SNX2: variants seen among roughly 807,000 people sequenced by gnomAD.
SNX2 encodes the protein sorting nexin 2, also known as sorting nexin-2.
Under a neutral mutation model 69.9 loss-of-function variants are expected in SNX2, and 25 were observed. The ratio of observed to expected loss-of-function variants is 0.36; its 90% CI spans 0.26 to 0.50. The LOEUF is 0.50. Among genes scored for constraint, SNX2 ranks in the 20% least tolerant of loss-of-function variants. The pLI, the probability that SNX2 is intolerant of heterozygous loss-of-function variation, is 0.97. For missense variants in SNX2, 551 were observed against 613.3 expected (o/e 0.90, Z 1.07); for synonymous variants, 229 against 200.4 (o/e 1.14, Z -1.20).
intron 10 of SNX2, among the ~76,000 whole-genome samples, chr5:122,818,169 C>T (rs770729486): frequency 1.2e-4 from 18 of 152,002 alleles, no homozygotes; most frequent in East Asian, 1.9e-4. Flanking sequence ...TGTAGAGCAA[C>T]GGAGCAGTTT....
intron 5 of SNX2, 140 bp from the exon 6 acceptor site, chr5:122,803,332 A>G: frequency 1.5e-6 from 1 of 658,502 alleles, no homozygotes; most frequent in Non-Finnish European, 2.3e-6. Flanking sequence ...TTAGTTAGAA[A>G]CCTATATACC....
rs142715196 is a variant in SNX2, at chr5:122,796,824, G to T, written c.226+1441G>T. On this transcript the variant is annotated intron_variant, in intron 2 of 14. Coordinates refer to ENST00000379516, the MANE Select transcript of SNX2 (RefSeq NM_003100.4). ...CAGAACTGTGTCTGTGTGTGTTTGT[G>T]TACATGCAAGGTTTTTTTTTTCTTA... Among the ~76,000 whole-genome samples, 105 of 151,884 alleles carry T rather than the reference G, an allele frequency of 6.9e-4. 2 individuals carry two copies. Among genetic ancestry groups the T allele is most frequent in the African/African-American group, 2.5e-3 (102 of 41,440 alleles).
At chr5:122,778,870 C>A (rs985234109) in intron 1 of SNX2, among the ~76,000 whole-genome samples, 5 of 152,050 alleles carry the variant, frequency 3.3e-5, no homozygotes. Context: ...ACATTTCAAA[C>A]TCCTACTGTA....
chr5:122,832,317 A>G lies in SNX2; in HGVS notation c.*2669A>G, dbSNP rs781190389. On this transcript the variant is annotated 3_prime_UTR_variant, in exon 15 of 15. Coordinates refer to ENST00000379516, the MANE Select transcript of SNX2 (RefSeq NM_003100.4). ...CTGAAGTGCCTTTCTACTTTAAAAT[A>G]TTTTGTTTAAAATATCAAACTTCAA... 1.3e-5 allele frequency: 2 copies of G among 152,210 alleles called. No homozygotes were observed. Among genetic ancestry groups the G allele is most frequent in the African/African-American group, 2.4e-5 (1 of 41,448 alleles). 9.4% of individuals were successfully genotyped at this position (152,210 alleles called of 1,614,324 possible). A position where few individuals can be genotyped will look rare whatever the true frequency, so the allele number is the denominator to read the frequency against.
intron 1 of SNX2, among the ~76,000 whole-genome samples, chr5:122,789,218 C>A (rs1295386095): frequency 6.6e-6 from 1 of 152,152 alleles, no homozygotes; most frequent in African/African-American, 2.4e-5. Context: ...CCACTCAGGT[C>A]TTAGTCTGGG....
In SNX2 at chr5:122,803,754, T is replaced by C. The variant is rs1320913911; in HGVS notation, c.643+141T>C. On this transcript the variant is annotated intron_variant, in intron 6 of 14. Coordinates refer to ENST00000379516, the MANE Select transcript of SNX2 (RefSeq NM_003100.4). ...TAACTGAATTTAAGTATTTCATTTA[T>C]ACTAATCATGCATGGATTGAAGAAT... 8.2e-6 allele frequency: 5 copies of C among 610,522 alleles called. No individual in the cohort carries two copies. In the African/African-American group the frequency reaches 9.4e-5, roughly 11 times the overall value. The allele number at this position is 610,522 out of a possible 1,614,324, so 37.8% of individuals were successfully genotyped here.
At chr5:122,817,980 C>T (rs1015467335) in intron 10 of SNX2, among the ~76,000 whole-genome samples, 14 of 152,066 alleles carry the variant, frequency 9.2e-5, no homozygotes, top group Non-Finnish European at 1.9e-4. Flanking sequence ...ATGTAAATAT[C>T]AATTGTCTAA....
At chr5:122,826,262 C>G in intron 12 of SNX2, 69 bp downstream of exon 12, 1 of 1,361,240 alleles carries the variant, frequency 7.3e-7, no homozygotes, top group Non-Finnish European at 9.6e-7. Flanking sequence ...CATAATTTTT[C>G]ATAATTTTTT....
intron 1 of SNX2, among the ~76,000 whole-genome samples, chr5:122,793,957 G>A (rs1047114115): frequency 1.3e-5 from 2 of 149,502 alleles, no homozygotes; most frequent in East Asian, 2.0e-4. Context: ...ATTGTAATAC[G>A]AAAACCATAA....
intron 1 of SNX2, among the ~76,000 whole-genome samples, chr5:122,789,474 GACACACACAC>G (rs60199625): frequency 0.025 from 3,583 of 144,530 alleles, 122 homozygotes; most frequent in African/African-American, 0.083. Context: ...GACACACACG[GACACACACAC>G]ACACACACAC....
chr5:122,811,313 C>G (rs1753770814), intron 7 of SNX2, among the ~76,000 whole-genome samples: 1 of 152,070 alleles, frequency 6.6e-6, no homozygotes, highest in Non-Finnish European at 1.5e-5. Flanking sequence ...TTAAGAGTAG[C>G]CCTAACATCA....
chr5:122,820,206 C>A (rs552737336), intron 11 of SNX2, among the ~76,000 whole-genome samples: 1 of 152,060 alleles, frequency 6.6e-6, no homozygotes, highest in African/African-American at 2.4e-5. Context: ...CCAACAAACC[C>A]GTGGGTCAAA....
intron 2 of SNX2, 49 bp from the exon 3 acceptor site, chr5:122,799,643 G>T: frequency 7.2e-7 from 1 of 1,383,490 alleles, no homozygotes; most frequent in Non-Finnish European, 1.0e-6. Context: ...TAGAATATTG[G>T]GGGTTTGCTT....
intron 9 of SNX2, 53 bp downstream of exon 9, chr5:122,817,081 A>G (rs1753916502): frequency 1.5e-6 from 2 of 1,337,684 alleles, no homozygotes; most frequent in South Asian, 2.4e-5. Context: ...GAGCCCAACA[A>G]TTGCATTTTA....
intron 2 of SNX2, among the ~76,000 whole-genome samples, chr5:122,797,413 C>T (rs1209409816): frequency 2.0e-5 from 3 of 152,224 alleles, no homozygotes; most frequent in African/African-American, 7.2e-5. Flanking sequence ...TAGCTTTCAT[C>T]TTAAACTCAG....
Position 122,818,970 on chromosome 5 carries a change from T to C in SNX2, c.1159T>C (p.Tyr387His). ...TCAAGAACAAGCTTTTGCTGACTTT[T>C]ATATGTTTTCAGAACTACTTAGTGA... Reference protein sequence around the residue: ...LHQEQAFADFYMFSELLSDYI... With the variant: ...LHQEQAFADFHMFSELLSDYI... The change falls in exon 11 of 15, where the codon TAT (tyrosine) becomes CAT (histidine). Residue 387 changes from tyrosine (Y) to histidine (H), a missense_variant. By Grantham distance (83) the Tyr-to-His change is moderately conservative. Coordinates refer to ENST00000379516, the MANE Select transcript of SNX2 (RefSeq NM_003100.4). 1 of 1,613,972 alleles carries C rather than the reference T, an allele frequency of 6.2e-7. No homozygotes were observed. The highest frequency in any genetic ancestry group is 8.5e-7 in the Non-Finnish European group (1 of 1,179,896).
At chr5:122,827,761 G>A in intron 14 of SNX2, 115 bp downstream of exon 14, 1 of 717,894 alleles carries the variant, frequency 1.4e-6, no homozygotes, top group Non-Finnish European at 2.3e-6. Context: ...AGAAATGGAA[G>A]ACAGAAAGCC....
chr5:122,806,513 C>A (rs1252667479), intron 6 of SNX2, among the ~76,000 whole-genome samples: 3 of 151,954 alleles, frequency 2.0e-5, no homozygotes, highest in Non-Finnish European at 2.9e-5. Flanking sequence ...CCTTAGTTGA[C>A]CTAAGAAGAC....
intron 2 of SNX2, among the ~76,000 whole-genome samples, chr5:122,798,534 C>T: frequency 6.6e-6 from 1 of 152,156 alleles, no homozygotes; most frequent in Non-Finnish European, 1.5e-5. Flanking sequence ...AAATGGTTCA[C>T]TGACTATCAT....
Sources: gnomAD v4.1 joint callset for allele counts (sites outside exome capture counted in the v4.1 genomes callset) on GRCh38, gnomAD v4.1.1 for gene constraint, MANE v1.5 for transcripts, NCBI Gene and HGNC (gene_info 2026-07-23, HGNC 2026-07-21) for gene names.